MSH3: variants seen among roughly 807,000 people sequenced by gnomAD.
MSH3 encodes the protein mutS homolog 3.
A neutral mutation model predicts 123.3 loss-of-function variants in MSH3; 106 were observed. That is an observed-to-expected ratio of 0.86 (90% CI 0.73 to 1.01). The LOEUF is 1.01. Ranked by LOEUF, MSH3 falls within the 50% of genes least tolerant of loss-of-function variation. The pLI, the probability that MSH3 is intolerant of heterozygous loss-of-function variation, is 0.00. For synonymous variants in MSH3, 515 were observed against 481.4 expected (o/e 1.07, Z -0.91); for missense variants, 1,459 against 1,347.6 (o/e 1.08, Z -1.29).
intron 17 of MSH3, among the ~76,000 whole-genome samples, chr5:80,783,995 A>T (rs1422673886): frequency 4.6e-5 from 7 of 152,036 alleles, no homozygotes; most frequent in African/African-American, 1.7e-4. Flanking sequence ...GGACTGCTTG[A>T]GGCCAGGAAT....
At chr5:80,851,145 C>G (rs1186240401) in intron 20 of MSH3, among the ~76,000 whole-genome samples, 1 of 152,100 alleles carries the variant, frequency 6.6e-6, no homozygotes, top group Non-Finnish European at 1.5e-5. Context: ...TCCAGCTTTT[C>G]ATTAAATAAC....
chr5:80,703,769 T>G (rs1410337081), intron 8 of MSH3, among the ~76,000 whole-genome samples: 1 of 152,164 alleles, frequency 6.6e-6, no homozygotes, highest in Non-Finnish European at 1.5e-5. Context: ...TAGTCCTTTG[T>G]CAATGTGCTG....
At position 80,792,746 on chromosome 5, in the gene MSH3, G is replaced by C. The variant is rs200185323; in HGVS notation, c.2557G>C (p.Glu853Gln). The C allele has an allele frequency of 3.0e-5, 48 of 1,610,112 alleles. No homozygotes were observed. The Middle Eastern group carries it at 5.0e-4, about 17-fold the overall frequency. The change falls in exon 19 of 24, where the codon GAA becomes CAA. Residue 853 changes from glutamate to glutamine, a missense_variant. Physicochemically the swap from Glu to Gln is conservative, Grantham distance 29 (BLOSUM62 2). Coordinates refer to ENST00000265081, the MANE Select transcript of MSH3 (RefSeq NM_002439.5). ...TCTTTTTTGCAGACCAACTGTACAA[G>C]AAGAAAGAAAAATTGTAATAAAAAA... ...QGDYCRPTVQEERKIVIKNGR... is the reference protein window; with the variant it reads ...QGDYCRPTVQQERKIVIKNGR...
intron 17 of MSH3, among the ~76,000 whole-genome samples, chr5:80,783,758 T>C (rs951345056): frequency 6.6e-6 from 1 of 152,104 alleles, no homozygotes; most frequent in Non-Finnish European, 1.5e-5. Context: ...CTGCTAAAGC[T>C]TTGATACTCA....
chr5:80,791,285 A>G (rs1195553467), intron 18 of MSH3, among the ~76,000 whole-genome samples: 2 of 152,204 alleles, frequency 1.3e-5, no homozygotes, highest in African/African-American at 4.8e-5. Context: ...ATTATGGAGC[A>G]AAGATGACCA....
rs145172800 is a variant in MSH3 at position 80,740,510 on chromosome 5, A to G, written c.1569-954A>G. On this transcript the variant is annotated intron_variant, in intron 10 of 23. Transcript: ENST00000265081. ...GTTGCTGGGACTACAGGCGTGCGCC[A>G]CTACACCCATCTAATTTTTGTATTT... Among the ~76,000 whole-genome samples, 581 of 151,888 alleles carry G rather than the reference A, an allele frequency of 3.8e-3. 2 individuals are homozygous for G. Among genetic ancestry groups the G allele is most frequent in the Middle Eastern group, 0.027 (8 of 292 alleles).
Position 80,689,526 on chromosome 5 carries a change from T to G in MSH3, c.1340+10433T>G, listed in dbSNP as rs549561112. Among the ~76,000 whole-genome samples the G allele has an allele frequency of 4.6e-5, 7 of 152,268 alleles. No individual in the cohort carries two copies. In the South Asian group the frequency reaches 1.4e-3, roughly 32 times the overall value. ...ACTTAAATATTTATAAACTGAAAAC[T>G]TAGTGCTCTAGGTTTTATACCTATT... On this transcript the variant is annotated intron_variant, in intron 8 of 23. Coordinates refer to ENST00000265081, the MANE Select transcript of MSH3 (RefSeq NM_002439.5).
In MSH3 at chr5:80,673,828, A is replaced by G. The variant is rs573583100; in HGVS notation, c.1027+970A>G. Among the ~76,000 whole-genome samples, 35 of 152,294 alleles carry G rather than the reference A, an allele frequency of 2.3e-4. No homozygotes were observed. In the South Asian group the frequency reaches 5.6e-3, roughly 24 times the overall value. On this transcript the variant is annotated intron_variant, in intron 6 of 23. Coordinates refer to ENST00000265081, the MANE Select transcript of MSH3 (RefSeq NM_002439.5). ...CAAAATTGTCAGTTTCAAAAGCCAA[A>G]TAATTATATGTAAAATTAGACCAGG...
At chr5:80,744,371 C>A in intron 11 of MSH3, 135 bp from the exon 12 acceptor site, 1 of 668,510 alleles carries the variant, frequency 1.5e-6, no homozygotes. Flanking sequence ...ATTCATCTGT[C>A]AAACATTAAA....
At chr5:80,826,083 T>G (rs1209476756) in intron 20 of MSH3, among the ~76,000 whole-genome samples, 1 of 152,232 alleles carries the variant, frequency 6.6e-6, no homozygotes, top group East Asian at 1.9e-4. Context: ...GGAGTATTTC[T>G]CTAGTGTCAT....
At chr5:80,656,278 A>G (rs905100631) in intron 1 of MSH3, 133 bp from the exon 2 acceptor site, 21 of 1,224,382 alleles carry the variant, frequency 1.7e-5, no homozygotes, top group Non-Finnish European at 2.0e-5. Flanking sequence ...TTCCAGAGCT[A>G]AAAGTAGAGG....
At position 80,654,834 on chromosome 5, in the gene MSH3, C is replaced by G. The variant is rs1470213668; in HGVS notation, c.107C>G (p.Ser36Cys). 7 of 1,605,850 alleles carry G rather than the reference C, an allele frequency of 4.4e-6. No individual in the cohort carries two copies. Among genetic ancestry groups the G allele is most frequent in the Non-Finnish European group, 5.9e-6 (7 of 1,177,048 alleles). The change falls in exon 1 of 24, where the codon TCC becomes TGC. Residue 36 changes from serine to cysteine, a missense_variant. Transcript: ENST00000265081. Reference sequence around the variant, plus strand: ...TTCCAGTCTACGGGAAGCCTGAAATCCACCTCCTCCTCCACAGGTGCAGCC... The same window carrying G: ...TTCCAGTCTACGGGAAGCCTGAAATGCACCTCCTCCTCCACAGGTGCAGCC... ...RFFQSTGSLKSTSSSTGAADQ... is the reference protein window; with the variant it reads ...RFFQSTGSLKCTSSSTGAADQ...
chr5:80,665,425 A>T, intron 3 of MSH3, 62 bp downstream of exon 3: 1 of 1,170,444 alleles, frequency 8.5e-7, no homozygotes, highest in Non-Finnish European at 1.2e-6. Context: ...AAGTACTGTC[A>T]GGTTCTCTGA....
intron 8 of MSH3, among the ~76,000 whole-genome samples, chr5:80,716,004 A>G (rs956328869): frequency 6.6e-6 from 1 of 152,128 alleles, no homozygotes; most frequent in African/African-American, 2.4e-5. Flanking sequence ...CAATGTCTTC[A>G]TCTTTAGTGC....
intron 8 of MSH3, among the ~76,000 whole-genome samples, chr5:80,701,013 T>A (rs937895356): frequency 2.0e-5 from 3 of 152,210 alleles, no homozygotes; most frequent in African/African-American, 7.2e-5. Context: ...TTTAATTGCA[T>A]AAAGACTCTT....
chr5:80,700,013 A>T lies in MSH3; in HGVS notation c.1340+20920A>T, dbSNP rs536328308. ...GCAGAAGATAAATATAAAGTTGACT[A>T]CTTTGTCATTCTGTTTCATTATGTT... is the stretch of plus-strand genomic sequence containing the variant. On this transcript the variant is annotated intron_variant, in intron 8 of 23. Transcript: ENST00000265081. 2.0e-5 allele frequency among the ~76,000 whole-genome samples: 3 copies of T among 152,252 alleles called. No homozygotes were observed. The East Asian group carries it at 5.8e-4, about 29-fold the overall frequency.
chr5:80,862,671 G>T (rs1256931667), intron 21 of MSH3, among the ~76,000 whole-genome samples: 1 of 151,912 alleles, frequency 6.6e-6, no homozygotes, highest in East Asian at 1.9e-4. Context: ...GAGGTGGGAG[G>T]ATCCCTTGAG....
Position 80,806,344 on chromosome 5 carries a change from G to A in MSH3, c.2656-7240G>A, listed in dbSNP as rs564237683. ...ACTCCTGACCTCAGATGATCTGCCC[G>A]CCTCGGCCTCCCAAAGTGCTGGGAT... On this transcript the variant is annotated intron_variant, in intron 19 of 23. Coordinates refer to ENST00000265081, the MANE Select transcript of MSH3 (RefSeq NM_002439.5). Among the ~76,000 whole-genome samples the A allele has an allele frequency of 9.2e-5, 14 of 151,992 alleles. No individual in the cohort carries two copies. The East Asian group carries it at 1.9e-3, about 21-fold the overall frequency.
chr5:80,798,395 A>G (rs1257541853), intron 19 of MSH3, among the ~76,000 whole-genome samples: 1 of 152,178 alleles, frequency 6.6e-6, no homozygotes, highest in Non-Finnish European at 1.5e-5. Flanking sequence ...CCCTTATCTC[A>G]GTACAAATAA....
Sources: allele counts gnomAD v4.1 joint callset (sites outside exome capture counted in the v4.1 genomes callset), GRCh38; gene constraint gnomAD v4.1.1; transcripts MANE v1.5; gene names NCBI Gene and HGNC (gene_info 2026-07-23, HGNC 2026-07-21).